Variants in NBEA observed in about 807,000 individuals in gnomAD.
NBEA encodes the protein neurobeachin, also known as lysosomal-trafficking regulator 2.
Under a neutral mutation model 343.4 loss-of-function variants are expected in NBEA, and 44 were observed. That is an observed-to-expected ratio of 0.13 (90% confidence interval 0.10 to 0.16). The LOEUF is 0.16. Ranked by LOEUF, NBEA falls within the 10% of genes least tolerant of loss-of-function variation. The pLI is 1.00. For missense variants in NBEA, 2,555 were observed against 3,631.3 expected (o/e 0.70, Z 7.62); for synonymous variants, 1,175 against 1,238.7 (o/e 0.95, Z 1.08).
intron 17 of NBEA, among the ~76,000 whole-genome samples, chr13:35,133,722 A>G (rs562443912): frequency 6.6e-6 from 1 of 152,190 alleles, no homozygotes; most frequent in East Asian, 1.9e-4. Flanking sequence ...ATTTATTTCA[A>G]TTTCAAAAAT....
intron 40 of NBEA, among the ~76,000 whole-genome samples, chr13:35,463,417 G>C (rs965726246): frequency 1.3e-5 from 2 of 152,128 alleles, no homozygotes; most frequent in Non-Finnish European, 2.9e-5. Context: ...AAGCTCAGGA[G>C]TTCGAGATCA....
chr13:35,144,695 C>G (rs1475965286), intron 18 of NBEA, among the ~76,000 whole-genome samples: 1 of 152,042 alleles, frequency 6.6e-6, no homozygotes, highest in African/African-American at 2.4e-5. Flanking sequence ...TATCTACTTC[C>G]TGCTGATTAG....
intron 30 of NBEA, among the ~76,000 whole-genome samples, chr13:35,187,121 T>C (rs2152734540): frequency 6.6e-6 from 1 of 152,204 alleles, no homozygotes; most frequent in East Asian, 1.9e-4. Flanking sequence ...TATTTTATTT[T>C]CTAAATGTGT....
intron 45 of NBEA, among the ~76,000 whole-genome samples, chr13:35,580,126 AT>A (rs1196244007): frequency 1.3e-5 from 2 of 151,956 alleles, no homozygotes; most frequent in African/African-American, 4.8e-5. Flanking sequence ...TAGAAATTTT[AT>A]TTTTCATTTT....
rs2064363363 is a variant in NBEA at position 35,081,009 on chromosome 13, CT to C, written c.1571+10162del. 2.0e-5 allele frequency among the ~76,000 whole-genome samples: 3 copies of C among 152,154 alleles called. No homozygotes were observed. The South Asian group carries it at 6.2e-4, about 32-fold the overall frequency. ...CATCATCCCAAGTTTATCAGTAGGG[CT>C]TTTTATACCGCTAAAAGGTTTACCT... On this transcript the variant is annotated intron_variant, in intron 10 of 58. Transcript: ENST00000379939.
chr13:35,392,484 G>GTT (rs71081250), intron 38 of NBEA, among the ~76,000 whole-genome samples: 38 of 136,336 alleles, frequency 2.8e-4, no homozygotes, highest in African/African-American at 7.2e-4. Context: ...TGTTTTTTTT[G>GTT]TTTTTTTTTT....
At chr13:35,388,196 A>C (rs1479949752) in intron 38 of NBEA, among the ~76,000 whole-genome samples, 2 of 152,196 alleles carry the variant, frequency 1.3e-5, no homozygotes, top group Non-Finnish European at 2.9e-5. Context: ...AGAGATGGCC[A>C]AATCTTATGT....
At chr13:35,496,101 G>A (rs768578436) in intron 41 of NBEA, among the ~76,000 whole-genome samples, 1 of 151,952 alleles carries the variant, frequency 6.6e-6, no homozygotes, top group Non-Finnish European at 1.5e-5. Context: ...CACAAAATAA[G>A]GAAGAATATT....
intron 1 of NBEA, among the ~76,000 whole-genome samples, chr13:34,969,813 T>A (rs2059944133): frequency 6.6e-6 from 1 of 152,172 alleles, no homozygotes; most frequent in East Asian, 1.9e-4. Context: ...GTATTGAAGT[T>A]AATTTCATGT....
intron 31 of NBEA, 100 bp downstream of exon 31, chr13:35,196,402 C>T (rs746680316): frequency 1.4e-4 from 156 of 1,119,802 alleles, no homozygotes; most frequent in Middle Eastern, 4.3e-4. Context: ...ACTTTATTAA[C>T]GTAGATTCTT....
chr13:35,396,627 A>G (rs2042758385), intron 38 of NBEA, among the ~76,000 whole-genome samples: 2 of 152,144 alleles, frequency 1.3e-5, no homozygotes, highest in Admixed American at 6.6e-5. Context: ...GTTGAACTCA[A>G]TCCAAATGCT....
intron 53 of NBEA, among the ~76,000 whole-genome samples, chr13:35,652,182 A>G (rs960244304): frequency 2.0e-5 from 3 of 152,116 alleles, no homozygotes; most frequent in Non-Finnish European, 4.4e-5. Flanking sequence ...TTTAAAATAT[A>G]AGGATTCAAA....
intron 41 of NBEA, among the ~76,000 whole-genome samples, chr13:35,527,057 TC>T (rs774548433): frequency 6.6e-5 from 10 of 152,034 alleles, no homozygotes; most frequent in Non-Finnish European, 1.3e-4. Context: ...CCTTCTTATC[TC>T]CCACAACATG....
intron 1 of NBEA, among the ~76,000 whole-genome samples, chr13:34,988,728 C>T (rs973290774): frequency 2.0e-5 from 3 of 151,172 alleles, no homozygotes; most frequent in Non-Finnish European, 1.5e-5. Context: ...CTTCTTGTCT[C>T]GACGTTTACT....
intron 41 of NBEA, among the ~76,000 whole-genome samples, chr13:35,497,369 A>G (rs1157189873): frequency 6.6e-6 from 1 of 152,146 alleles, no homozygotes; most frequent in Non-Finnish European, 1.5e-5. Context: ...GGAATTTTCA[A>G]TAAGATTTTA....
chr13:35,145,343 G>A lies in NBEA; in HGVS notation c.2445+2966G>A, dbSNP rs558433963. Among the ~76,000 whole-genome samples the A allele has an allele frequency of 6.6e-5, 10 of 152,320 alleles. No individual in the cohort carries two copies. In the South Asian group the frequency reaches 2.1e-3, roughly 32 times the overall value. On this transcript the variant is annotated intron_variant, in intron 18 of 58. Transcript: ENST00000379939. The stretch of plus-strand genomic sequence containing the variant: ...CTTCCTTTTGTTCGATGGACATGGT[G>A]TAGTTTCTTGGGCTTAGGATGTACC...
intron 1 of NBEA, among the ~76,000 whole-genome samples, chr13:34,967,381 C>T (rs1433252042): frequency 6.6e-6 from 1 of 150,774 alleles, no homozygotes; most frequent in African/African-American, 2.4e-5. Flanking sequence ...ACTGAGACCT[C>T]GTCAAAGTAG....
rs574116478 is a variant in NBEA, at chr13:35,664,412, AAAAG to A, written c.8363-667_8363-664del. On this transcript the variant is annotated intron_variant, in intron 55 of 58. Coordinates refer to ENST00000379939, the MANE Select transcript of NBEA (RefSeq NM_001385012.1). ...AGCATGCAAAGAACACAAGTGCTAG[AAAAG>A]AAAGACCGCAAACAGAACAACCTAT... Among the ~76,000 whole-genome samples, 221 of 152,364 alleles carry A rather than the reference AAAAG, an allele frequency of 1.5e-3. 2 individuals are homozygous for A. Among genetic ancestry groups the A allele is most frequent in the Non-Finnish European group, 1.5e-3 (99 of 68,040 alleles).
chr13:35,585,585 G>A (rs1359490059), intron 46 of NBEA, among the ~76,000 whole-genome samples: 1 of 151,720 alleles, frequency 6.6e-6, no homozygotes, highest in Non-Finnish European at 1.5e-5. Flanking sequence ...TCAGTTACAA[G>A]CTAGTGATTT....
Sources: gnomAD v4.1 joint callset for allele counts (sites outside exome capture counted in the v4.1 genomes callset) on GRCh38, gnomAD v4.1.1 for gene constraint, MANE v1.5 for transcripts, NCBI Gene and HGNC (gene_info 2026-07-23, HGNC 2026-07-21) for gene names.